Variants in STAU2 observed in about 807,000 individuals in gnomAD.
STAU2 encodes the protein double-stranded RNA-binding protein Staufen homolog 2.
A neutral mutation model predicts 65.9 loss-of-function variants in STAU2; 20 were observed. The observed-to-expected ratio is 0.30, with a 90% CI of 0.21 to 0.44. The LOEUF is 0.44. Ranked by LOEUF, STAU2 falls within the 20% of genes least tolerant of loss-of-function variation. STAU2 has a pLI of 1.00. For missense variants in STAU2, 558 were observed against 683.9 expected (o/e 0.82, Z 2.05); for synonymous variants, 232 against 233.9 (o/e 0.99, Z 0.07).
At chr8:73,523,219 A>AT (rs55797594) in intron 13 of STAU2, among the ~76,000 whole-genome samples, 1 of 149,542 alleles carries the variant, frequency 6.7e-6, no homozygotes. Flanking sequence ...AAAAAAAAAA[A>AT]GAAAAGTCTG....
intron 6 of STAU2, among the ~76,000 whole-genome samples, chr8:73,629,819 T>A (rs1168209772): frequency 6.6e-6 from 1 of 152,156 alleles, no homozygotes; most frequent in Admixed American, 6.5e-5. Context: ...CAGGCTGAAG[T>A]GTAGTCGTGC....
intron 6 of STAU2, among the ~76,000 whole-genome samples, chr8:73,621,818 ACT>A (rs1221268620): frequency 2.0e-5 from 3 of 151,844 alleles, no homozygotes; most frequent in East Asian, 1.9e-4. Context: ...TGCCCTGCTG[ACT>A]CTCTGCACGA....
Position 73,597,139 on chromosome 8 carries a change from T to C in STAU2, c.1030-1842A>G, listed in dbSNP as rs1466865630. ...AGAAGAATAAAAAGCAAAAAGGAAA[T>C]ACAAAACAAAGTACAATAAAGTTAG... is the stretch of plus-strand genomic sequence containing the variant. On this transcript the variant is annotated intron_variant, in intron 10 of 14. Coordinates refer to ENST00000524300, the MANE Select transcript of STAU2 (RefSeq NM_001164380.2). Among the ~76,000 whole-genome samples the C allele has an allele frequency of 7.9e-5, 12 of 151,034 alleles. No homozygotes were observed. The East Asian group carries it at 2.3e-3, about 29-fold the overall frequency.
At chr8:73,593,658 T>C (rs1325943779) in intron 11 of STAU2, among the ~76,000 whole-genome samples, 3 of 152,150 alleles carry the variant, frequency 2.0e-5, no homozygotes, top group South Asian at 2.1e-4. Context: ...CCCTCCACAA[T>C]GTGGGTAGTC....
intron 12 of STAU2, among the ~76,000 whole-genome samples, chr8:73,565,032 C>T (rs1563425622): frequency 6.6e-6 from 1 of 152,146 alleles, no homozygotes; most frequent in Non-Finnish European, 1.5e-5. Flanking sequence ...CAACCTCAAT[C>T]CTGAACTGGA....
chr8:73,439,111 A>G (rs1450208858), intron 13 of STAU2: 2 of 446,834 alleles, frequency 4.5e-6, no homozygotes, highest in East Asian at 1.4e-4. Flanking sequence ...GCTGGTAAAT[A>G]TTTAACAACT....
chr8:73,680,496 C>G (rs1818356312), intron 5 of STAU2, among the ~76,000 whole-genome samples: 1 of 152,068 alleles, frequency 6.6e-6, no homozygotes, highest in Non-Finnish European at 1.5e-5. Flanking sequence ...GCCTCTGACA[C>G]AGTATATCCA....
At chr8:73,532,017 C>A in intron 13 of STAU2, among the ~76,000 whole-genome samples, 1 of 152,080 alleles carries the variant, frequency 6.6e-6, no homozygotes, top group East Asian at 1.9e-4. Context: ...TAATAGACCC[C>A]CTCTGAGTCA....
intron 4 of STAU2, among the ~76,000 whole-genome samples, chr8:73,698,923 T>A (rs201200687): frequency 9.1e-4 from 118 of 129,044 alleles, no homozygotes; most frequent in Non-Finnish European, 1.3e-3. Context: ...CTTAAAACAT[T>A]AAAAAAAAAA....
intron 13 of STAU2, among the ~76,000 whole-genome samples, chr8:73,465,918 C>G (rs760238010): frequency 6.6e-6 from 1 of 152,312 alleles, no homozygotes; most frequent in African/African-American, 2.4e-5. Flanking sequence ...TGGGTTCAAG[C>G]GTTTCTCCTG....
At chr8:73,542,541 A>G (rs1468558107) in intron 13 of STAU2, among the ~76,000 whole-genome samples, 2 of 152,188 alleles carry the variant, frequency 1.3e-5, no homozygotes, top group Non-Finnish European at 2.9e-5. Flanking sequence ...TTAAGATAAC[A>G]AAAAGACAAG....
At position 73,709,058 on chromosome 8, in the gene STAU2, T is replaced by C; in HGVS notation, c.88A>G (p.Asn30Asp). Residue 30 changes from asparagine to aspartate, a missense_variant, in exon 4 of 15, where the codon AAT (asparagine) becomes GAT (aspartate). This residue lies in a region of STAU2 where 112 missense variants were observed against 114.2 expected (regional missense o/e 0.98). Coordinates refer to ENST00000524300, the MANE Select transcript of STAU2 (RefSeq NM_001164380.2). ...TTTGAATGAGCAGGCCCTCTTTCAT[T>C]CAGAAGTTTATACTGGGGTTGGACT... is the stretch of plus-strand genomic sequence containing the variant. Reference protein sequence around the residue: ...NRVQPQYKLLNERGPAHSKMF... With the variant: ...NRVQPQYKLLDERGPAHSKMF... 6.5e-7 allele frequency: 1 copy of C among 1,530,448 alleles called. No homozygotes were observed. Among genetic ancestry groups the C allele is most frequent in the Non-Finnish European group, 8.7e-7 (1 of 1,143,774 alleles). 94.8% of individuals were successfully genotyped at this position (1,530,448 alleles called of 1,614,324 possible).
chr8:73,747,433 G>T (rs1807364274), upstream of STAU2: 1 of 1,534,714 alleles, frequency 6.5e-7, no homozygotes, highest in Admixed American at 2.0e-5. Flanking sequence ...CAGGGGACGC[G>T]CGACCATCCC....
At chr8:73,582,538 G>C in intron 12 of STAU2, among the ~76,000 whole-genome samples, 1 of 151,824 alleles carries the variant, frequency 6.6e-6, no homozygotes, top group Non-Finnish European at 1.5e-5. Context: ...ATCACTACAT[G>C]TATTAAATGG....
At chr8:73,494,662 C>T (rs1402481929) in intron 13 of STAU2, among the ~76,000 whole-genome samples, 2 of 151,634 alleles carry the variant, frequency 1.3e-5, no homozygotes, top group African/African-American at 4.8e-5. Flanking sequence ...AAGTTTTCCA[C>T]ATTTTTAGAC....
Position 73,714,797 on chromosome 8 carries a change from A to C in STAU2, c.-17-5635T>G, listed in dbSNP as rs560339579. Among the ~76,000 whole-genome samples the C allele has an allele frequency of 4.0e-5, 6 of 151,856 alleles. No homozygotes were observed. In the South Asian group the frequency reaches 1.2e-3, roughly 32 times the overall value. On this transcript the variant is annotated intron_variant, in intron 3 of 14. Transcript: ENST00000524300. ...GAAGAAATACTTGCAATATGTGAAG[A>C]AAGGCCAGGCGTGGTGGCTCACGTC...
intron 12 of STAU2, among the ~76,000 whole-genome samples, chr8:73,556,207 A>C (rs1255210775): frequency 6.6e-6 from 1 of 152,186 alleles, no homozygotes; most frequent in Non-Finnish European, 1.5e-5. Flanking sequence ...TCTTAAAACA[A>C]TTCCATATTA....
chr8:73,479,891 T>A (rs1820521971), intron 13 of STAU2, among the ~76,000 whole-genome samples: 1 of 151,900 alleles, frequency 6.6e-6, no homozygotes, highest in African/African-American at 2.4e-5. Context: ...AAAAAAAGCA[T>A]CCCACACTGT....
chr8:73,654,980 C>T (rs575932825), intron 6 of STAU2, among the ~76,000 whole-genome samples: 226 of 152,238 alleles, frequency 1.5e-3, no homozygotes, highest in African/African-American at 4.3e-3. Context: ...CCACCGCGCC[C>T]GGCCCAAACC....
Sources: gnomAD v4.1 joint callset for allele counts (sites outside exome capture counted in the v4.1 genomes callset) on GRCh38, gnomAD v4.1.1 for gene constraint, gnomAD v4.1.1 regional missense constraint, MANE v1.5 for transcripts, NCBI Gene and HGNC (gene_info 2026-07-23, HGNC 2026-07-21) for gene names.